ECM2: variants seen among roughly 807,000 people sequenced by gnomAD.
ECM2 encodes extracellular matrix protein 2.
ECM2 carries 57 observed loss-of-function variants against 67.5 expected under a neutral mutation model. That is an observed-to-expected ratio of 0.84 (90% CI 0.68 to 1.05). ECM2 has a LOEUF of 1.05. ECM2 is among the 50% of genes least tolerant of loss of function. The pLI is 0.00. For missense variants in ECM2, 741 were observed against 822.8 expected (o/e 0.90, Z 1.22); for synonymous variants, 258 against 294.5 (o/e 0.88, Z 1.27).
chr9:92,542,867 A>G, the ECM2 span, among the ~76,000 whole-genome samples: 1 of 152,152 alleles, frequency 6.6e-6, no homozygotes, highest in East Asian at 1.9e-4. Flanking sequence ...TTAATTCATT[A>G]ATCTATTTTG....
chr9:92,533,318 A>C (rs1312221596), intron 1 of ECM2, among the ~76,000 whole-genome samples: 19 of 94,836 alleles, frequency 2.0e-4, no homozygotes, highest in Non-Finnish European at 2.4e-4. Flanking sequence ...AAAAAAAAAA[A>C]AAAAAAAAAA....
chr9:92,549,449 C>A, the ECM2 span, among the ~76,000 whole-genome samples: 1 of 152,090 alleles, frequency 6.6e-6, no homozygotes, highest in African/African-American at 2.4e-5. Context: ...GAGTTCGAGA[C>A]CAGCCTGGCC....
In ECM2 at chr9:92,496,622, G is replaced by A. The variant is rs985087598; in HGVS notation, c.1932-139C>T. On this transcript the variant is annotated intron_variant, in intron 9 of 9. Coordinates refer to ENST00000344604, the MANE Select transcript of ECM2 (RefSeq NM_001393.4). ...ATAGACCAGAATAAATTCCAACTAC[G>A]TCAGAGATTCAAATGTGAAAGATGA... 23 of 1,041,442 alleles carry A rather than the reference G, an allele frequency of 2.2e-5. 1 individual carries two copies. Among genetic ancestry groups the A allele is most frequent in the Middle Eastern group, 2.9e-4 (1 of 3,398 alleles). The allele number at this position is 1,041,442 out of a possible 1,614,324, so 64.5% of individuals were successfully genotyped here.
At chr9:92,520,370 G>C (rs1333005949) in intron 2 of ECM2, among the ~76,000 whole-genome samples, 1 of 152,096 alleles carries the variant, frequency 6.6e-6, no homozygotes, top group Non-Finnish European at 1.5e-5. Context: ...ATAAAAAGAT[G>C]CTTAACATCA....
intron 1 of ECM2, among the ~76,000 whole-genome samples, chr9:92,524,428 GAC>G (rs1417113769): frequency 2.6e-5 from 4 of 152,200 alleles, no homozygotes; most frequent in African/African-American, 9.6e-5. Context: ...GGTGGCCAGG[GAC>G]AAGAGAAACC....
intron 5 of ECM2, among the ~76,000 whole-genome samples, chr9:92,510,818 C>T (rs999027782): frequency 7.2e-5 from 11 of 152,136 alleles, no homozygotes; most frequent in Admixed American, 6.5e-5. Context: ...AGGAAAAGGA[C>T]CCCCTAATGC....
chr9:92,515,119 T>C lies in ECM2; in HGVS notation c.566A>G (p.Asn189Ser). The C allele has an allele frequency of 1.9e-6, 3 of 1,613,852 alleles. No homozygotes were observed. The highest frequency in any genetic ancestry group is 2.5e-6 in the Non-Finnish European group (3 of 1,179,974). The change falls in exon 4 of 10, where the codon AAT (asparagine) becomes AGT (serine). Residue 189 changes from asparagine (N) to serine (S), a missense_variant. Physicochemically the swap from Asn to Ser is conservative, Grantham distance 46. Coordinates refer to ENST00000344604, the MANE Select transcript of ECM2 (RefSeq NM_001393.4). ...AGGTGGCAGTTGCTTATGAAGTAAATTGGTAGGTTCTCTTTGTTCTGAAGA... is the reference window on the plus strand; with the variant it reads ...AGGTGGCAGTTGCTTATGAAGTAAACTGGTAGGTTCTCTTTGTTCTGAAGA... Reference protein sequence around the residue: ...GDSSEQREPTNLLHKQLPPPQ... With the variant: ...GDSSEQREPTSLLHKQLPPPQ...
downstream of ECM2, among the ~76,000 whole-genome samples, chr9:92,494,323 A>G (rs1003745445): frequency 6.6e-6 from 1 of 152,194 alleles, no homozygotes; most frequent in Non-Finnish European, 1.5e-5. Context: ...GTTTATATTC[A>G]TACATCAATA....
intron 1 of ECM2, among the ~76,000 whole-genome samples, chr9:92,529,095 G>C (rs771321379): frequency 4.6e-5 from 7 of 151,982 alleles, no homozygotes; most frequent in Non-Finnish European, 7.4e-5. Context: ...ACATGACAAG[G>C]GATGAATAGC....
chr9:92,554,858 G>A, the ECM2 span, among the ~76,000 whole-genome samples: 11 of 151,674 alleles, frequency 7.3e-5, no homozygotes, highest in South Asian at 2.1e-4. Context: ...GGCTGGTCTC[G>A]AACTCCTGAC....
chr9:92,525,332 A>G (rs1020866231), intron 1 of ECM2, among the ~76,000 whole-genome samples: 6 of 151,804 alleles, frequency 4.0e-5, no homozygotes, highest in East Asian at 1.9e-4. Context: ...AAAAAAAAAG[A>G]AAAGAAAAAA....
At chr9:92,554,782 C>A in the ECM2 span, among the ~76,000 whole-genome samples, 1 of 152,052 alleles carries the variant, frequency 6.6e-6, no homozygotes, top group East Asian at 1.9e-4. Flanking sequence ...AGACTACAGG[C>A]GCCTGCCACT....
intron 1 of ECM2, among the ~76,000 whole-genome samples, chr9:92,523,401 A>G (rs970317060): frequency 6.6e-6 from 1 of 152,230 alleles, no homozygotes; most frequent in African/African-American, 2.4e-5. Flanking sequence ...GCCATAGACA[A>G]TATGTTGGGG....
chr9:92,501,195 T>G (rs1846651001), intron 8 of ECM2, 142 bp from the exon 9 acceptor site: 2 of 829,038 alleles, frequency 2.4e-6, no homozygotes, highest in Non-Finnish European at 3.7e-6. Flanking sequence ...TAGGAACTTT[T>G]CCAGGTATAG....
At position 92,514,872 on chromosome 9, in the gene ECM2, C is replaced by A; in HGVS notation, c.813G>T (p.Glu271Asp). Residue 271 changes from glutamate (E) to aspartate (D), a missense_variant, in exon 4 of 10, where the codon GAG (glutamate) becomes GAT (aspartate). Physicochemically the swap from Glu to Asp is conservative, Grantham distance 45. Transcript: ENST00000344604. ...AHQQQRQGREEEEDEEEEGEE... is the reference protein window; with the variant it reads ...AHQQQRQGREDEEDEEEEGEE... ...CACCCTCCTCCTCCTCATCCTCCTC[C>A]TCCTCCCTTCCTTGGCGTTGTTGCT... 1 of 1,613,138 alleles carries A rather than the reference C, an allele frequency of 6.2e-7. No homozygotes were observed. The highest frequency in any genetic ancestry group is 1.1e-5 in the South Asian group (1 of 90,940).
At chr9:92,531,360 A>C (rs1322211998) in intron 1 of ECM2, among the ~76,000 whole-genome samples, 1 of 152,180 alleles carries the variant, frequency 6.6e-6, no homozygotes, top group Non-Finnish European at 1.5e-5. Context: ...TGGACAATAC[A>C]AGAACCAGGA....
At chr9:92,523,607 G>A (rs550344260) in intron 1 of ECM2, among the ~76,000 whole-genome samples, 1 of 152,326 alleles carries the variant, frequency 6.6e-6, no homozygotes, top group East Asian at 1.9e-4. Flanking sequence ...TGTTTAGGGC[G>A]AAACAGTGAA....
In ECM2 at chr9:92,522,591, A is replaced by G. The variant is rs9299405; in HGVS notation, c.276T>C (p.Ser92=). 459,856 of 1,611,286 alleles carry G rather than the reference A, an allele frequency of 0.29. 73,827 individuals carry two copies. The highest frequency in any genetic ancestry group is 0.68 in the African/African-American group (50,732 of 74,788). The change falls in exon 2 of 10, where the codon AGT becomes AGC. Residue 92 remains serine, a synonymous_variant. Coordinates refer to ENST00000344604, the MANE Select transcript of ECM2 (RefSeq NM_001393.4). ...SFSSFPGVES[S]YNVLPGKKGH... ...TTCTCTTACCTGGTAACACATTATA[A>G]CTTGATTCTACTCCAGGAAAACTTG...
At chr9:92,513,346 C>G (rs772864015) in intron 4 of ECM2, among the ~76,000 whole-genome samples, 13 of 152,186 alleles carry the variant, frequency 8.5e-5, no homozygotes, top group Admixed American at 3.3e-4. Flanking sequence ...AGGAGCTCCC[C>G]AGCATGCAGG....
Sources: gnomAD v4.1 joint callset for allele counts (sites outside exome capture counted in the v4.1 genomes callset) on GRCh38, gnomAD v4.1.1 for gene constraint, MANE v1.5 for transcripts, NCBI Gene and HGNC (gene_info 2026-07-23, HGNC 2026-07-21) for gene names.